GABRA2: variants seen among roughly 807,000 people sequenced by gnomAD.
GABRA2 encodes the protein gamma-aminobutyric acid receptor subunit alpha-2.
GABRA2 carries 16 observed loss-of-function variants against 48.7 expected under a neutral mutation model. The ratio of observed to expected loss-of-function variants is 0.33; its 90% CI spans 0.22 to 0.50. The LOEUF (loss-of-function observed/expected upper bound fraction) is 0.50, where lower values mean the gene tolerates loss of function less well. GABRA2 is among the 20% of genes least tolerant of loss of function. The pLI is 0.98. For synonymous variants in GABRA2, 185 were observed against 184.5 expected (o/e 1.00, Z -0.02); for missense variants, 275 against 535.6 (o/e 0.51, Z 4.80).
At chr4:46,306,901 T>A (rs146079155) in intron 6 of GABRA2, among the ~76,000 whole-genome samples, 4 of 152,054 alleles carry the variant, frequency 2.6e-5, no homozygotes, top group Non-Finnish European at 5.9e-5. Context: ...GAGTAAATGA[T>A]TATGAGTTTG....
At chr4:46,264,792 C>A (rs1717763741) in intron 8 of GABRA2, among the ~76,000 whole-genome samples, 2 of 151,556 alleles carry the variant, frequency 1.3e-5, no homozygotes, top group Non-Finnish European at 2.9e-5. Context: ...GTGGAACTCA[C>A]CAGAGAAGCC....
intron 8 of GABRA2, among the ~76,000 whole-genome samples, chr4:46,266,038 TA>T (rs1718148785): frequency 6.6e-6 from 1 of 151,822 alleles, no homozygotes; most frequent in Non-Finnish European, 1.5e-5. Flanking sequence ...TACTTTGTAA[TA>T]ATTCAATCTT....
rs1714461243 is a variant in GABRA2, at chr4:46,250,224, T to C, written c.*84A>G. On this transcript the variant is annotated 3_prime_UTR_variant, in exon 10 of 10. Coordinates refer to ENST00000381620, the MANE Select transcript of GABRA2 (RefSeq NM_000807.4). ...ATACTGTACATGTTGGATCACAAAT[T>C]AGCAGTTATTAGTCAGACTGTACAT... is the stretch of plus-strand genomic sequence containing the variant. The C allele has an allele frequency of 2.7e-6, 3 of 1,114,108 alleles. No homozygotes were observed. In the South Asian group the frequency reaches 4.5e-5, roughly 17 times the overall value. The allele number at this position is 1,114,108 out of a possible 1,614,324, so 69.0% of individuals were successfully genotyped here.
intron 8 of GABRA2, among the ~76,000 whole-genome samples, chr4:46,266,878 C>T (rs546396194): frequency 4.0e-5 from 6 of 151,712 alleles, no homozygotes; most frequent in Admixed American, 2.0e-4. Flanking sequence ...TGCACCACCA[C>T]GTCCAGCTTA....
intron 8 of GABRA2, among the ~76,000 whole-genome samples, chr4:46,294,644 G>A (rs575271291): frequency 6.6e-5 from 10 of 152,300 alleles, no homozygotes; most frequent in South Asian, 4.1e-4. Flanking sequence ...GGGCAGATAC[G>A]GATGCTGTTT....
At chr4:46,299,435 G>A (rs1725341022) in intron 8 of GABRA2, among the ~76,000 whole-genome samples, 1 of 151,544 alleles carries the variant, frequency 6.6e-6, no homozygotes, top group Non-Finnish European at 1.5e-5. Flanking sequence ...ACACAACTTG[G>A]TTGCAATTTT....
intron 3 of GABRA2, among the ~76,000 whole-genome samples, chr4:46,356,341 C>A (rs1029683145): frequency 3.3e-5 from 5 of 151,844 alleles, no homozygotes; most frequent in African/African-American, 1.2e-4. Flanking sequence ...TTCTCTGAAT[C>A]TCCCATTCAA....
intron 1 of GABRA2, 35 bp from the exon 2 acceptor site, chr4:46,388,751 C>T (rs1333692430): frequency 1.2e-6 from 2 of 1,612,410 alleles, no homozygotes; most frequent in Admixed American, 3.4e-5. Context: ...ACAAAATACA[C>T]TTAAAATTGC....
chr4:46,348,557 A>C (rs1734562919), intron 3 of GABRA2, among the ~76,000 whole-genome samples: 1 of 152,060 alleles, frequency 6.6e-6, no homozygotes, highest in African/African-American at 2.4e-5. Flanking sequence ...TGGATTAAGA[A>C]AATGTGGCAC....
chr4:46,305,045 C>A (rs1283997875), intron 7 of GABRA2, among the ~76,000 whole-genome samples: 2 of 151,490 alleles, frequency 1.3e-5, no homozygotes, highest in Non-Finnish European at 2.9e-5. Context: ...AACTTCAATG[C>A]AACTATTAAT....
chr4:46,255,561 G>A (rs113642242), intron 9 of GABRA2, among the ~76,000 whole-genome samples: 1,749 of 151,612 alleles, frequency 0.012, 38 homozygotes, highest in African/African-American at 0.041. Context: ...TTATCTGGGT[G>A]GGGGTAGAGT....
chr4:46,273,468 C>CATATATATATATGCATAT (rs1719767077), intron 8 of GABRA2, among the ~76,000 whole-genome samples: 1 of 43,042 alleles, frequency 2.3e-5, no homozygotes, highest in African/African-American at 1.0e-4. Context: ...CCATTCATTG[C>CATATATATATATGCATAT]ATATATATAT....
In GABRA2 at chr4:46,265,355, CTGTGTG is replaced by C. The variant is rs67846908; in HGVS notation, c.857-3233_857-3228del. Among the ~76,000 whole-genome samples, 105 of 137,392 alleles carry C rather than the reference CTGTGTG, an allele frequency of 7.6e-4. 1 individual carries two copies. Among genetic ancestry groups the C allele is most frequent in the South Asian group, 4.3e-3 (19 of 4,462 alleles). The allele number at this position is 137,392 out of a possible 152,430, so 90.1% of individuals were successfully genotyped here. ...GCGCCTTGCCACTTTATATATGTAT[CTGTGTG>C]TGTGTGTGTGTGTGTGTGTACACAA... On this transcript the variant is annotated intron_variant, in intron 8 of 9. Transcript: ENST00000381620.
At chr4:46,332,091 T>A (rs1166099076) in intron 4 of GABRA2, among the ~76,000 whole-genome samples, 1 of 152,138 alleles carries the variant, frequency 6.6e-6, no homozygotes, top group Non-Finnish European at 1.5e-5. Flanking sequence ...CATTCTAATT[T>A]TTTTAGGTTG....
chr4:46,346,489 T>G (rs1734160259), intron 3 of GABRA2, among the ~76,000 whole-genome samples: 1 of 151,536 alleles, frequency 6.6e-6, no homozygotes, highest in African/African-American at 2.4e-5. Flanking sequence ...ATTGTAATGA[T>G]TTGGAAAAGT....
rs936788622 is a variant in GABRA2, at chr4:46,248,071, C to G, written c.*2237G>C. Among the ~76,000 whole-genome samples, 25 of 151,424 alleles carry G rather than the reference C, an allele frequency of 1.7e-4. No individual in the cohort carries two copies. The highest frequency in any genetic ancestry group is 5.1e-4 in the African/African-American group (21 of 41,476). On this transcript the variant is annotated 3_prime_UTR_variant, in exon 10 of 10. Transcript: ENST00000381620. ...TGGTGCCATCAATATAGTAGCAGCT[C>G]TTTGCCCAAAGTATAGATAAGCCTT...
chr4:46,388,553 C>G, intron 2 of GABRA2, 83 bp downstream of exon 2: 1 of 1,513,104 alleles, frequency 6.6e-7, no homozygotes, highest in Non-Finnish European at 9.1e-7. Context: ...TTAAAACACC[C>G]TTGATTTTCA....
rs149474278 is a variant in GABRA2, at chr4:46,335,271, A to G, written c.188-2589T>C. On this transcript the variant is annotated intron_variant, in intron 3 of 9. Coordinates refer to ENST00000381620, the MANE Select transcript of GABRA2 (RefSeq NM_000807.4). ...TGACTCTGATTCGTCAAGACATTTT[A>G]TAGTATCATCTGCTCAGGTTTGTTT... is the stretch of plus-strand genomic sequence containing the variant. Among the ~76,000 whole-genome samples the G allele has an allele frequency of 5.7e-3, 872 of 152,264 alleles. 22 individuals carry two copies. The highest frequency in any genetic ancestry group is 0.046 in the Admixed American group (699 of 15,278).
intron 5 of GABRA2, among the ~76,000 whole-genome samples, chr4:46,310,621 T>C (rs1727485530): frequency 1.3e-5 from 2 of 152,124 alleles, no homozygotes; most frequent in South Asian, 4.1e-4. Context: ...TTGTCTCCAT[T>C]ACCTCATCAA....
Sources: gnomAD v4.1 joint callset for allele counts (sites outside exome capture counted in the v4.1 genomes callset) on GRCh38, gnomAD v4.1.1 for gene constraint, MANE v1.5 for transcripts, NCBI Gene and HGNC (gene_info 2026-07-23, HGNC 2026-07-21) for gene names.